Variants in SERTAD2 observed in about 807,000 individuals in gnomAD.
SERTAD2 encodes SERTA domain containing 2.
SERTAD2 carries 2 observed loss-of-function variants against 15.4 expected under a neutral mutation model. The ratio of observed to expected loss-of-function variants is 0.13; its 90% confidence interval spans 0.05 to 0.41. The LOEUF (loss-of-function observed/expected upper bound fraction) is 0.41, where lower values mean the gene tolerates loss of function less well. SERTAD2 is among the 10% of genes least tolerant of loss of function. The probability of loss-of-function intolerance (pLI) is 0.99; values close to 1 mark genes in which losing one functional copy is unlikely to be tolerated. For synonymous variants in SERTAD2, 180 were observed against 178.0 expected (o/e 1.01, Z -0.09); for missense variants, 333 against 409.7 (o/e 0.81, Z 1.62).
intron 1 of SERTAD2, among the ~76,000 whole-genome samples, chr2:64,641,367 G>A (rs1451453510): frequency 3.9e-5 from 6 of 152,164 alleles, no homozygotes; most frequent in Non-Finnish European, 8.8e-5. Flanking sequence ...AGATTACTGT[G>A]GGCTGGGGGC....
At chr2:64,649,731 C>T (rs567312823) in intron 1 of SERTAD2, among the ~76,000 whole-genome samples, 5 of 152,300 alleles carry the variant, frequency 3.3e-5, no homozygotes, top group Admixed American at 3.3e-4. Context: ...ACAAAGCTGC[C>T]TTTGGGCACC....
intron 1 of SERTAD2, among the ~76,000 whole-genome samples, chr2:64,638,543 C>T (rs938551267): frequency 1.3e-5 from 2 of 152,186 alleles, no homozygotes; most frequent in Non-Finnish European, 1.5e-5. Context: ...TTGGGGTAAC[C>T]GTCTTACCTC....
intron 1 of SERTAD2, among the ~76,000 whole-genome samples, chr2:64,646,136 A>AAAAC (rs1156404971): frequency 5.5e-5 from 2 of 36,204 alleles, no homozygotes; most frequent in African/African-American, 1.3e-4. Flanking sequence ...AAAATACTCC[A>AAAAC]AAACAAACAA....
In SERTAD2 at chr2:64,636,114, G is replaced by T; in HGVS notation, c.758C>A (p.Thr253Lys). The change falls in exon 2 of 2, where the codon ACG becomes AAG. Residue 253 changes from threonine (T) to lysine (K), a missense_variant. Coordinates refer to ENST00000313349, the MANE Select transcript of SERTAD2 (RefSeq NM_014755.3). ...LDDILFADID[T>K]SMYDFDPCTS... ...GCAGGGGTCAAAATCATACATGGAC[G>T]TATCAATGTCAGCAAACAGGATGTC... 1 of 1,614,174 alleles carries T rather than the reference G, an allele frequency of 6.2e-7. No homozygotes were observed.
At chr2:64,642,757 C>T (rs928190227) in intron 1 of SERTAD2, among the ~76,000 whole-genome samples, 2 of 152,126 alleles carry the variant, frequency 1.3e-5, no homozygotes, top group Non-Finnish European at 2.9e-5. Context: ...TGTAGGAGGC[C>T]GCACAGGGAG....
At position 64,636,620 on chromosome 2, in the gene SERTAD2, G is replaced by A; in HGVS notation, c.252C>T (p.Pro84=). ...TGGGCTGGGAGGAGGGGGTGAACATGGGCCTCAGGCTGCCTTCCTGTTTGA... is the reference window on the plus strand; with the variant it reads ...TGGGCTGGGAGGAGGGGGTGAACATAGGCCTCAGGCTGCCTTCCTGTTTGA... The part of the protein sequence containing the change: ...EELKQEGSLR[P]MFTPSSQPTT... Residue 84 remains proline (P), a synonymous_variant, in exon 2 of 2, where the codon CCC becomes CCT. Coordinates refer to ENST00000313349, the MANE Select transcript of SERTAD2 (RefSeq NM_014755.3). The A allele has an allele frequency of 6.2e-7, 1 of 1,612,636 alleles. No homozygotes were observed. Among genetic ancestry groups the A allele is most frequent in the Non-Finnish European group, 8.5e-7 (1 of 1,178,932 alleles).
chr2:64,647,971 T>C, intron 1 of SERTAD2, among the ~76,000 whole-genome samples: 1 of 152,356 alleles, frequency 6.6e-6, no homozygotes, highest in East Asian at 1.9e-4. Flanking sequence ...AAATATTCCT[T>C]ACAAATACAG....
At position 64,636,794 on chromosome 2, in the gene SERTAD2, G is replaced by A. The variant is rs759031359; in HGVS notation, c.78C>T (p.Asp26=). ...GLEGKIVSPC[D]GPSKVSYTLQ... ...AGGTGTAAGACACCTTGGATGGACC[G>A]TCACAGGGAGACACGATTTTGCCTT... The change falls in exon 2 of 2, where the codon GAC becomes GAT. Residue 26 remains aspartate, a synonymous_variant. Transcript: ENST00000313349. 41 of 1,614,078 alleles carry A rather than the reference G, an allele frequency of 2.5e-5. No individual in the cohort carries two copies. In the South Asian group the frequency reaches 3.3e-4, roughly 13 times the overall value.
chr2:64,639,547 C>T (rs1014424830), intron 1 of SERTAD2, among the ~76,000 whole-genome samples: 3 of 152,118 alleles, frequency 2.0e-5, no homozygotes, highest in Non-Finnish European at 2.9e-5. Context: ...GGATTTTTAT[C>T]GGTTTTCTGG....
chr2:64,638,162 A>C (rs772284644), intron 1 of SERTAD2, among the ~76,000 whole-genome samples: 2 of 151,980 alleles, frequency 1.3e-5, no homozygotes, highest in African/African-American at 2.4e-5. Flanking sequence ...AGTGTGACTC[A>C]CTCTCATGTC....
rs553223941 is a variant in SERTAD2 at position 64,633,339 on chromosome 2, A to G, written c.*2588T>C. ...TTTTGAAGCCCAGCCTTACAAATAC[A>G]TAAGAGTCAGAGAACCAAGTTTGGG... On this transcript the variant is annotated 3_prime_UTR_variant, in exon 2 of 2. Coordinates refer to ENST00000313349, the MANE Select transcript of SERTAD2 (RefSeq NM_014755.3). The G allele has an allele frequency of 1.4e-4, 21 of 152,336 alleles. No homozygotes were observed. The highest frequency in any genetic ancestry group is 5.1e-4 in the African/African-American group (21 of 41,578). The allele number at this position is 152,336 out of a possible 1,614,324, so 9.4% of individuals were successfully genotyped here.
rs1370431685 is a variant in SERTAD2 at position 64,632,233 on chromosome 2, G to A, written c.*3694C>T. 2.7e-5 allele frequency: 4 copies of A among 147,392 alleles called. No homozygotes were observed. The highest frequency in any genetic ancestry group is 5.0e-5 in the African/African-American group (2 of 39,860). The allele number at this position is 147,392 out of a possible 1,614,324, so 9.1% of individuals were successfully genotyped here. On this transcript the variant is annotated 3_prime_UTR_variant, in exon 2 of 2. Coordinates refer to ENST00000313349, the MANE Select transcript of SERTAD2 (RefSeq NM_014755.3). Reference sequence around the variant, plus strand: ...TCGTATAGAGTAGCAATTGCTGCACGAAGTAGAGTCTTTTTTTTTTTTTTT... The same window carrying A: ...TCGTATAGAGTAGCAATTGCTGCACAAAGTAGAGTCTTTTTTTTTTTTTTT...
In SERTAD2 at chr2:64,636,835, G is replaced by T; in HGVS notation, c.37C>A (p.His13Asn). The change falls in exon 2 of 2, where the codon CAT becomes AAT. Residue 13 changes from histidine (H) to asparagine (N), a missense_variant. His to Asn is a moderately conservative substitution (Grantham distance 68, BLOSUM62 1). Coordinates refer to ENST00000313349, the MANE Select transcript of SERTAD2 (RefSeq NM_014755.3). ...GKGGKRKFDE[H>N]EDGLEGKIVS... ...ATTTTGCCTTCCAGCCCATCTTCAT[G>T]CTCATCAAACTTCCGTTTTCCTCCT... 1 of 1,613,934 alleles carries T rather than the reference G, an allele frequency of 6.2e-7. No individual in the cohort carries two copies. Among genetic ancestry groups the T allele is most frequent in the East Asian group, 2.2e-5 (1 of 44,880 alleles).
Position 64,636,605 on chromosome 2 carries a change from G to A in SERTAD2, c.267C>T (p.Ser89=). 1.2e-6 allele frequency: 2 copies of A among 1,609,494 alleles called. No homozygotes were observed. Among genetic ancestry groups the A allele is most frequent in the East Asian group, 4.5e-5 (2 of 44,832 alleles). The change falls in exon 2 of 2, where the codon TCC becomes TCT. Residue 89 remains serine (S), a synonymous_variant. Coordinates refer to ENST00000313349, the MANE Select transcript of SERTAD2 (RefSeq NM_014755.3). ...EGSLRPMFTP[S]SQPTTEPSDS... ...CGCTGGGCTCGGTGGTGGGCTGGGA[G>A]GAGGGGGTGAACATGGGCCTCAGGC...
rs1481623163 is a variant in SERTAD2 at position 64,633,708 on chromosome 2, T to C, written c.*2219A>G. 6.6e-6 allele frequency: 1 copy of C among 152,204 alleles called. No homozygotes were observed. Among genetic ancestry groups the C allele is most frequent in the African/African-American group, 2.4e-5 (1 of 41,452 alleles). The allele number at this position is 152,204 out of a possible 1,614,324, so 9.4% of individuals were successfully genotyped here. A position where few individuals can be genotyped will look rare whatever the true frequency, so the allele number is the denominator to read the frequency against. On this transcript the variant is annotated 3_prime_UTR_variant, in exon 2 of 2. Coordinates refer to ENST00000313349, the MANE Select transcript of SERTAD2 (RefSeq NM_014755.3). Reference sequence around the variant, plus strand: ...TACTACAACCCTCACCTCAGTTACATGGTCCCTGGTCCTATTAAAGGAAAT... The same window carrying C: ...TACTACAACCCTCACCTCAGTTACACGGTCCCTGGTCCTATTAAAGGAAAT...
At chr2:64,640,509 T>C (rs1333805911) in intron 1 of SERTAD2, among the ~76,000 whole-genome samples, 1 of 152,102 alleles carries the variant, frequency 6.6e-6, no homozygotes, top group African/African-American at 2.4e-5. Flanking sequence ...AAAATAACAA[T>C]AGCTCTTTAA....
chr2:64,651,980 T>A, intron 1 of SERTAD2, among the ~76,000 whole-genome samples: 1 of 150,338 alleles, frequency 6.7e-6, no homozygotes. Context: ...AATTAGGGGG[T>A]GAAACAAGTA....
chr2:64,643,860 C>G lies in SERTAD2; in HGVS notation c.-4-6985G>C, dbSNP rs796620664. The stretch of plus-strand genomic sequence containing the variant: ...CAGCCTGGGTGACAGAGTAAAACTC[C>G]GTCTCCAAAAAAACAAAACAAAACA... On this transcript the variant is annotated intron_variant, in intron 1 of 1. Transcript: ENST00000313349. Among the ~76,000 whole-genome samples, 13 of 144,342 alleles carry G rather than the reference C, an allele frequency of 9.0e-5. 1 individual carries two copies. Among genetic ancestry groups the G allele is most frequent in the African/African-American group, 3.3e-4 (13 of 39,272 alleles). 94.7% of individuals were successfully genotyped at this position (144,342 alleles called of 152,430 possible). A position where few individuals can be genotyped will look rare whatever the true frequency, so the allele number is the denominator to read the frequency against.
chr2:64,638,273 T>TC (rs976324117), intron 1 of SERTAD2, among the ~76,000 whole-genome samples: 73 of 151,752 alleles, frequency 4.8e-4, no homozygotes, highest in African/African-American at 1.7e-3. Context: ...CCTCATTCAA[T>TC]CCTTTAATAA....
Sources: gnomAD v4.1 joint callset for allele counts (sites outside exome capture counted in the v4.1 genomes callset) on GRCh38, gnomAD v4.1.1 for gene constraint, MANE v1.5 for transcripts, NCBI Gene and HGNC (gene_info 2026-07-23, HGNC 2026-07-21) for gene names.